The following KLRF1 variants were observed in gnomAD, a reference collection of about 807,000 sequenced individuals.
KLRF1 encodes killer cell lectin-like receptor subfamily F member 1.
KLRF1 carries 27 observed loss-of-function variants against 30.7 expected under a neutral mutation model. The observed-to-expected ratio is 0.88, with a 90% CI of 0.65 to 1.21. The LOEUF (loss-of-function observed/expected upper bound fraction) is 1.21, where lower values mean the gene tolerates loss of function less well. Among genes scored for constraint, KLRF1 ranks in the 50% most tolerant of loss-of-function variants. KLRF1 has a pLI of 0.00. For synonymous variants in KLRF1, 92 were observed against 89.3 expected, an observed-to-expected ratio of 1.03 and a Z score of -0.17; for missense variants, 246 against 259.3, an observed-to-expected ratio of 0.95 and a Z score of 0.35.
chr12:9,827,485 C>T lies in KLRF1; in HGVS notation c.-60C>T. On this transcript the variant is annotated 5_prime_UTR_variant, in exon 1 of 6. Transcript: ENST00000617889. The stretch of plus-strand genomic sequence containing the variant: ...CAGATTTATTATTCTTTCCTCATTT[C>T]ATGTTATACTTAATAAAACAAAACA... 3 of 881,794 alleles carry T rather than the reference C, an allele frequency of 3.4e-6. No homozygotes were observed. Among genetic ancestry groups the T allele is most frequent in the Admixed American group, 2.4e-5 (1 of 41,840 alleles). 54.6% of individuals were successfully genotyped at this position (881,794 alleles called of 1,614,324 possible).
chr12:9,808,784 G>A, the KLRF1 span, among the ~76,000 whole-genome samples: 1 of 152,078 alleles, frequency 6.6e-6, no homozygotes, highest in South Asian at 2.1e-4. Flanking sequence ...GAATGACCTC[G>A]TATTCTTGGT....
At chr12:9,813,389 T>C in the KLRF1 span, among the ~76,000 whole-genome samples, 1 of 152,040 alleles carries the variant, frequency 6.6e-6, no homozygotes, top group Non-Finnish European at 1.5e-5. Flanking sequence ...TCACTGCAGC[T>C]TTTAACTTCT....
At chr12:9,829,813 C>T (rs1053825344) in intron 1 of KLRF1, among the ~76,000 whole-genome samples, 5 of 152,090 alleles carry the variant, frequency 3.3e-5, no homozygotes, top group African/African-American at 1.2e-4. Flanking sequence ...GAGAAATCCA[C>T]CTTGCATAAA....
upstream of KLRF1, among the ~76,000 whole-genome samples, chr12:9,823,319 C>T (rs1204387176): frequency 5.3e-5 from 8 of 150,624 alleles, no homozygotes; most frequent in Admixed American, 1.3e-4. Flanking sequence ...AAATAGAAAT[C>T]AAGACAAAAC....
the KLRF1 span, among the ~76,000 whole-genome samples, chr12:9,819,664 T>A: frequency 2.6e-5 from 4 of 152,108 alleles, no homozygotes; most frequent in Non-Finnish European, 5.9e-5. Flanking sequence ...GGGATGGGGT[T>A]TCCAGAGGCA....
the KLRF1 span, among the ~76,000 whole-genome samples, chr12:9,810,113 T>C: frequency 6.6e-6 from 1 of 152,318 alleles, no homozygotes. Context: ...TGAGGGTTTT[T>C]ATCTAGGAAC....
At chr12:9,817,320 A>T in the KLRF1 span, 1 of 233,208 alleles carries the variant, frequency 4.3e-6, no homozygotes, top group Non-Finnish European at 9.0e-6. Flanking sequence ...AGATAACCTT[A>T]AGAATTCTGC....
At chr12:9,821,467 C>T in the KLRF1 span, among the ~76,000 whole-genome samples, 1 of 152,192 alleles carries the variant, frequency 6.6e-6, no homozygotes, top group African/African-American at 2.4e-5. Context: ...AGGTCCTGCA[C>T]ACTTCCCCTG....
intron 1 of KLRF1, among the ~76,000 whole-genome samples, chr12:9,828,769 C>T (rs913343639): frequency 1.3e-5 from 2 of 152,022 alleles, no homozygotes; most frequent in African/African-American, 4.8e-5. Flanking sequence ...TTTTTAGATT[C>T]CCATATTTTC....
intron 3 of KLRF1, among the ~76,000 whole-genome samples, chr12:9,839,813 A>G (rs983873013): frequency 6.6e-6 from 1 of 152,098 alleles, no homozygotes; most frequent in African/African-American, 2.4e-5. Flanking sequence ...CAGTTCCTCA[A>G]ATTATCACAT....
chr12:9,800,880 T>A, the KLRF1 span, among the ~76,000 whole-genome samples: 1 of 152,078 alleles, frequency 6.6e-6, no homozygotes, highest in Non-Finnish European at 1.5e-5. Flanking sequence ...GTGCAGAACA[T>A]GTAGGTTTGT....
chr12:9,815,285 C>G, the KLRF1 span, among the ~76,000 whole-genome samples: 2 of 152,132 alleles, frequency 1.3e-5, no homozygotes, highest in African/African-American at 2.4e-5. Flanking sequence ...TGTAAAAAGC[C>G]AGTTATTTCA....
the KLRF1 span, among the ~76,000 whole-genome samples, chr12:9,800,205 A>C: frequency 2.6e-5 from 4 of 152,138 alleles, no homozygotes; most frequent in Non-Finnish European, 4.4e-5. Flanking sequence ...CATTTCAATC[A>C]GCAAAGAATG....
At chr12:9,809,532 G>A in the KLRF1 span, among the ~76,000 whole-genome samples, 7 of 152,088 alleles carry the variant, frequency 4.6e-5, no homozygotes, top group South Asian at 1.4e-3. Context: ...CAGGAAAAGG[G>A]CTGCTGGGAA....
the KLRF1 span, among the ~76,000 whole-genome samples, chr12:9,814,586 C>A: frequency 6.6e-6 from 1 of 152,322 alleles, no homozygotes; most frequent in South Asian, 2.1e-4. Context: ...GAAGACCCAG[C>A]CTGGCTGCTC....
At chr12:9,804,590 T>A in the KLRF1 span, among the ~76,000 whole-genome samples, 41,344 of 151,890 alleles carry the variant, frequency 0.27, 6,034 homozygotes, top group African/African-American at 0.38. Flanking sequence ...TTGTTGATTT[T>A]TTTGATTTAA....
At chr12:9,835,132 G>A (rs758760347) in intron 3 of KLRF1, among the ~76,000 whole-genome samples, 11 of 152,170 alleles carry the variant, frequency 7.2e-5, no homozygotes, top group Non-Finnish European at 1.2e-4. Flanking sequence ...TGTCATGAGG[G>A]GAACAGGGAG....
the KLRF1 span, among the ~76,000 whole-genome samples, chr12:9,808,422 T>G: frequency 6.6e-6 from 1 of 152,198 alleles, no homozygotes; most frequent in Non-Finnish European, 1.5e-5. Flanking sequence ...TAATTAGAAC[T>G]TATGCCCTAG....
the KLRF1 span, among the ~76,000 whole-genome samples, chr12:9,814,951 G>A: frequency 1.3e-5 from 2 of 152,048 alleles, no homozygotes; most frequent in African/African-American, 4.8e-5. Context: ...AGTTAACGAC[G>A]ATGTATTTTA....
Sources: gnomAD v4.1 joint callset for allele counts (sites outside exome capture counted in the v4.1 genomes callset) on GRCh38, gnomAD v4.1.1 for gene constraint, MANE v1.5 for transcripts, NCBI Gene and HGNC (gene_info 2026-07-23, HGNC 2026-07-21) for gene names.